CEP192: variants seen among roughly 807,000 people sequenced by gnomAD.
The protein encoded by CEP192 is centrosomal protein 192.
CEP192 carries 151 observed loss-of-function variants against 271.8 expected under a neutral mutation model. That is an observed-to-expected ratio of 0.56 (90% confidence interval 0.49 to 0.64). CEP192 has a LOEUF of 0.64. Among genes scored for constraint, CEP192 ranks in the 30% least tolerant of loss-of-function variants. The pLI is 0.00. For missense variants in CEP192, 2,910 were observed against 3,020.5 expected (o/e 0.96, Z 0.86); for synonymous variants, 995 against 1,076.5 (o/e 0.92, Z 1.48).
rs763159584 is a variant in CEP192, at chr18:13,124,721, G to T, written c.7565G>T (p.Gly2522Val). The T allele has an allele frequency of 5.6e-6, 9 of 1,613,818 alleles. No individual in the cohort carries two copies. In the South Asian group the frequency reaches 9.9e-5, roughly 18 times the overall value. The change falls in exon 45 of 45, where the codon GGC (glycine) becomes GTC (valine). Residue 2522 changes from glycine to valine, a missense_variant. By Grantham distance (109) the Gly-to-Val change is moderately radical. Coordinates refer to ENST00000506447, the MANE Select transcript of CEP192 (RefSeq NM_032142.4). ...EALLVIQTDE[G>V]KSIAIRLIGE... ...TTGCTTGTCATTCAAACAGATGAAG[G>T]CAAGAGTATTGCTATTCGACTAATT...
chr18:13,018,722 T>C lies in CEP192; in HGVS notation c.925+107T>C, dbSNP rs1599083525. On this transcript the variant is annotated intron_variant, in intron 8 of 44. Coordinates refer to ENST00000506447, the MANE Select transcript of CEP192 (RefSeq NM_032142.4). ...ATGATTTAGCATATATTAACTCTTC[T>C]AGTCCCTCAGGTCTTTAGACAGTCT... is the stretch of plus-strand genomic sequence containing the variant. 3.3e-5 allele frequency: 26 copies of C among 778,860 alleles called. No homozygotes were observed. The East Asian group carries it at 7.6e-4, about 23-fold the overall frequency. 48.2% of individuals were successfully genotyped at this position (778,860 alleles called of 1,614,324 possible).
chr18:13,097,542 T>A (rs2039459853), intron 36 of CEP192, among the ~76,000 whole-genome samples: 1 of 152,124 alleles, frequency 6.6e-6, no homozygotes, highest in Non-Finnish European at 1.5e-5. Flanking sequence ...CTCAGAGCTT[T>A]TGTAGTCTTG....
intron 30 of CEP192, among the ~76,000 whole-genome samples, chr18:13,079,892 G>A (rs2038497851): frequency 6.6e-6 from 1 of 152,114 alleles, no homozygotes; most frequent in South Asian, 2.1e-4. Flanking sequence ...ATTAAATAGG[G>A]AATCCTTTCC....
chr18:13,092,041 G>A (rs569262523), intron 33 of CEP192, among the ~76,000 whole-genome samples: 1 of 152,270 alleles, frequency 6.6e-6, no homozygotes, highest in Non-Finnish European at 1.5e-5. Context: ...ATCTACAAAG[G>A]CATTCTTATT....
intron 11 of CEP192, among the ~76,000 whole-genome samples, chr18:13,034,768 G>A (rs898898815): frequency 6.7e-6 from 1 of 148,572 alleles, no homozygotes; most frequent in Non-Finnish European, 1.5e-5. Context: ...GCAGTGAGCC[G>A]AGATTGCACC....
chr18:13,112,427 T>A (rs953967248), intron 40 of CEP192, among the ~76,000 whole-genome samples: 4 of 152,200 alleles, frequency 2.6e-5, no homozygotes, highest in Non-Finnish European at 5.9e-5. Flanking sequence ...CAGGCAGATC[T>A]ATAGAGAGAA....
intron 40 of CEP192, among the ~76,000 whole-genome samples, chr18:13,109,356 A>T (rs887371102): frequency 5.9e-5 from 9 of 152,190 alleles, no homozygotes; most frequent in African/African-American, 1.9e-4. Context: ...GTACTCATGG[A>T]TATAAAGATG....
intron 1 of CEP192, among the ~76,000 whole-genome samples, chr18:12,995,223 G>T (rs11663300): frequency 2.6e-5 from 4 of 151,694 alleles, no homozygotes; most frequent in Non-Finnish European, 5.9e-5. Context: ...CACCTCGCCC[G>T]GCTAATTTTT....
At chr18:13,042,621 G>A (rs1427262602) in intron 15 of CEP192, among the ~76,000 whole-genome samples, 1 of 152,164 alleles carries the variant, frequency 6.6e-6, no homozygotes, top group Non-Finnish European at 1.5e-5. Flanking sequence ...CAACAGCTCA[G>A]AAACAAGTTT....
intron 30 of CEP192, among the ~76,000 whole-genome samples, chr18:13,082,651 T>C (rs1046474407): frequency 5.3e-5 from 8 of 152,118 alleles, no homozygotes; most frequent in African/African-American, 1.9e-4. Flanking sequence ...TGTGTGAATT[T>C]GATCCTGTCA....
At chr18:13,034,381 A>G (rs1352699728) in intron 11 of CEP192, among the ~76,000 whole-genome samples, 1 of 152,210 alleles carries the variant, frequency 6.6e-6, no homozygotes, top group Admixed American at 6.5e-5. Context: ...AGGAGAAAGG[A>G]ACTTTAAAAA....
chr18:13,026,572 G>GT (rs2035313520), intron 9 of CEP192, among the ~76,000 whole-genome samples: 3 of 151,920 alleles, frequency 2.0e-5, no homozygotes, highest in Non-Finnish European at 4.4e-5. Flanking sequence ...TTTTGAGATT[G>GT]TTTTTTTCAT....
Position 13,124,665 on chromosome 18 carries a change from CA to C in CEP192, c.7512del (p.Lys2504AsnfsTer26), listed in dbSNP as rs1313891139. The C allele has an allele frequency of 6.2e-7, 1 of 1,613,914 alleles. No homozygotes were observed. ...ATTACATCAACATGCCCGTGCAGTT[CA>C]AACCGAAGTCCGCAGGCAAATTTGA... is the stretch of plus-strand genomic sequence containing the variant. ...QHYINMPVQF[K>X]PKSAGKFEAL... On this transcript the variant is annotated frameshift_variant, in exon 45 of 45. Coordinates refer to ENST00000506447, the MANE Select transcript of CEP192 (RefSeq NM_032142.4). LOFTEE classifies it high-confidence loss of function.
chr18:13,099,401 A>G, intron 36 of CEP192, 75 bp from the exon 37 acceptor site: 2 of 725,614 alleles, frequency 2.8e-6, no homozygotes, highest in Non-Finnish European at 4.6e-6. Flanking sequence ...GCTGGTAGAC[A>G]GTATTTATAA....
At chr18:13,041,983 C>T (rs2036233478) in intron 14 of CEP192, among the ~76,000 whole-genome samples, 1 of 152,212 alleles carries the variant, frequency 6.6e-6, no homozygotes, top group African/African-American at 2.4e-5. Context: ...CCACAATCCT[C>T]CTTCAAAGTT....
chr18:13,100,197 T>C, intron 37 of CEP192, 108 bp from the exon 38 acceptor site: 1 of 723,070 alleles, frequency 1.4e-6, no homozygotes, highest in South Asian at 1.8e-5. Context: ...TTTATTGATG[T>C]TTTGTTTGTT....
At position 13,038,502 on chromosome 18, in the gene CEP192, C is replaced by T. The variant is rs1598425415; in HGVS notation, c.1732C>T (p.Arg578Cys). ...DLDKDDASYL[R>C]LSLGEFFAQR... The stretch of plus-strand genomic sequence containing the variant: ...GGATAAAGATGATGCCAGTTATTTA[C>T]GTCTGTCTTTAGGAGAGTTCTTTGC... The change falls in exon 13 of 45, where the codon CGT becomes TGT. Residue 578 changes from arginine (R) to cysteine (C), a missense_variant. By Grantham distance (180) the Arg-to-Cys change is radical (BLOSUM62 -3). Transcript: ENST00000506447. 6.4e-6 allele frequency: 10 copies of T among 1,551,442 alleles called. No homozygotes were observed. The highest frequency in any genetic ancestry group is 2.4e-5 in the South Asian group (2 of 84,070).
intron 3 of CEP192, 95 bp downstream of exon 3, chr18:13,001,677 C>G: frequency 8.6e-7 from 1 of 1,164,186 alleles, no homozygotes; most frequent in Non-Finnish European, 1.2e-6. Context: ...GTAATTAATT[C>G]TGATTAATTC....
At chr18:13,046,669 A>G (rs540567284) in intron 15 of CEP192, among the ~76,000 whole-genome samples, 20 of 152,122 alleles carry the variant, frequency 1.3e-4, no homozygotes, top group African/African-American at 4.3e-4. Context: ...TGGCATTCCA[A>G]GGATCACAAA....
Sources: gnomAD v4.1 joint callset for allele counts (sites outside exome capture counted in the v4.1 genomes callset) on GRCh38, gnomAD v4.1.1 for gene constraint, MANE v1.5 for transcripts, NCBI Gene and HGNC (gene_info 2026-07-23, HGNC 2026-07-21) for gene names.